Variants in FAXC observed in about 807,000 individuals in gnomAD.
FAXC encodes the protein failed axon connections homolog, metaxin like GST domain containing, also known as failed axon connections homolog.
FAXC carries 10 observed loss-of-function variants against 41.9 expected under a neutral mutation model. The ratio of observed to expected loss-of-function variants is 0.24; its 90% CI spans 0.15 to 0.41. FAXC has a LOEUF of 0.41. Ranked by LOEUF, FAXC falls within the 10% of genes least tolerant of loss-of-function variation. FAXC has a pLI of 1.00. For synonymous variants in FAXC, 183 were observed against 183.8 expected (o/e 1.00, Z 0.03); for missense variants, 399 against 510.9 (o/e 0.78, Z 2.11).
At chr6:99,281,539 T>C in intron 5 of FAXC, 86 bp from the exon 6 acceptor site, 4 of 1,089,384 alleles carry the variant, frequency 3.7e-6, no homozygotes, top group East Asian at 2.4e-5. Context: ...AAAACTCCAA[T>C]GTTGAAATCC....
chr6:99,280,092 G>A lies in FAXC; in HGVS notation c.*1072C>T, dbSNP rs760896146. ...CTCAAATAAATCAAACATAGGCAAC[G>A]TAACACTCTGGAGTCAACACAGAAC... On this transcript the variant is annotated 3_prime_UTR_variant, in exon 6 of 6. Transcript: ENST00000389677. The A allele has an allele frequency of 2.0e-5, 3 of 152,176 alleles. No individual in the cohort carries two copies. Among genetic ancestry groups the A allele is most frequent in the Non-Finnish European group, 2.9e-5 (2 of 68,036 alleles). 9.4% of individuals were successfully genotyped at this position (152,176 alleles called of 1,614,324 possible).
At chr6:99,290,728 A>C (rs1393655393) in intron 5 of FAXC, among the ~76,000 whole-genome samples, 1 of 151,754 alleles carries the variant, frequency 6.6e-6, no homozygotes, top group African/African-American at 2.4e-5. Flanking sequence ...AATAATAATA[A>C]TACTTCGGAA....
rs369719974 is a variant in FAXC at position 99,281,210 on chromosome 6, G to A, written c.1184C>T (p.Ser395Leu). ...TGTATAGTCATCCATGTCCACATCC[G>A]AATCAAAGAGTGAGTGTCCAGTAAA... ...TDFTGHSLFD[S>L]DVDMDDYTDH... is the part of the protein sequence containing the mutation. The change falls in exon 6 of 6, where the codon TCG becomes TTG. Residue 395 changes from serine (S) to leucine (L), a missense_variant. Ser to Leu is a moderately radical substitution (Grantham distance 145). Coordinates refer to ENST00000389677, the MANE Select transcript of FAXC (RefSeq NM_032511.4). 6.3e-6 allele frequency: 10 copies of A among 1,587,700 alleles called. No individual in the cohort carries two copies. In the Admixed American group the frequency reaches 1.0e-4, roughly 16 times the overall value.
At position 99,349,550 on chromosome 6, in the gene FAXC, G is replaced by C. The variant is rs894846479; in HGVS notation, c.-178C>G. Reference sequence around the variant, plus strand: ...CGGCAGAGGAGGAGGAGGAGGAAGGGCACTGGCCGCGGACGGCGGGCCTGG... The same window carrying C: ...CGGCAGAGGAGGAGGAGGAGGAAGGCCACTGGCCGCGGACGGCGGGCCTGG... On this transcript the variant is annotated 5_prime_UTR_variant, in exon 1 of 6. Transcript: ENST00000389677. 2 of 249,006 alleles carry C rather than the reference G, an allele frequency of 8.0e-6. No individual in the cohort carries two copies. The highest frequency in any genetic ancestry group is 4.7e-5 in the African/African-American group (2 of 42,368). The allele number at this position is 249,006 out of a possible 1,614,324, so 15.4% of individuals were successfully genotyped here. A position where few individuals can be genotyped will look rare whatever the true frequency, so the allele number is the denominator to read the frequency against.
intron 5 of FAXC, among the ~76,000 whole-genome samples, chr6:99,291,285 C>T (rs1333123891): frequency 6.6e-6 from 1 of 152,162 alleles, no homozygotes; most frequent in Non-Finnish European, 1.5e-5. Flanking sequence ...GTCAGCCCAC[C>T]GTAGTTGATG....
intron 4 of FAXC, 21 bp from the exon 5 acceptor site, chr6:99,291,841 A>C: frequency 6.3e-7 from 1 of 1,575,048 alleles, no homozygotes; most frequent in Non-Finnish European, 8.7e-7. Context: ...TAAAGCAGAG[A>C]AGTCAATGGG....
chr6:99,274,413 G>C lies in FAXC; in HGVS notation c.*6751C>G, dbSNP rs551563719. 1.3e-5 allele frequency: 2 copies of C among 151,890 alleles called. No individual in the cohort carries two copies. The highest frequency in any genetic ancestry group is 4.8e-5 in the African/African-American group (2 of 41,412). 9.4% of individuals were successfully genotyped at this position (151,890 alleles called of 1,614,324 possible). ...ATCTCTACCACAGCCATACCACATGGTTGCTTGAAATTTTGACATTTGTTA... is the reference window on the plus strand; with the variant it reads ...ATCTCTACCACAGCCATACCACATGCTTGCTTGAAATTTTGACATTTGTTA... On this transcript the variant is annotated 3_prime_UTR_variant, in exon 6 of 6. Coordinates refer to ENST00000389677, the MANE Select transcript of FAXC (RefSeq NM_032511.4).
chr6:99,286,895 C>T (rs1771048182), intron 5 of FAXC, among the ~76,000 whole-genome samples: 1 of 152,124 alleles, frequency 6.6e-6, no homozygotes, highest in South Asian at 2.1e-4. Context: ...ATTGGAAGTA[C>T]TTTCAGACTT....
In FAXC at chr6:99,309,342, G is replaced by A. The variant is rs112590741; in HGVS notation, c.823+14102C>T. 1.4e-4 allele frequency among the ~76,000 whole-genome samples: 22 copies of A among 152,222 alleles called. 1 individual carries two copies. Among genetic ancestry groups the A allele is most frequent in the African/African-American group, 5.1e-4 (21 of 41,524 alleles). On this transcript the variant is annotated intron_variant, in intron 4 of 5. Coordinates refer to ENST00000389677, the MANE Select transcript of FAXC (RefSeq NM_032511.4). ...GATAAAGACCCAGAAATAGAGACCA[G>A]ATAGAGCCTGTCAGAATTGTAGCAA...
intron 3 of FAXC, among the ~76,000 whole-genome samples, chr6:99,331,080 T>C (rs1773010171): frequency 6.6e-6 from 1 of 152,204 alleles, no homozygotes; most frequent in Non-Finnish European, 1.5e-5. Flanking sequence ...AGGGACTAAA[T>C]AGAACTGTGG....
At chr6:99,343,110 C>A in intron 1 of FAXC, 77 bp from the exon 2 acceptor site, 2 of 1,358,788 alleles carry the variant, frequency 1.5e-6, no homozygotes, top group South Asian at 2.9e-5. Flanking sequence ...TGAGAGGACC[C>A]TGCAGGGTTG....
At chr6:99,344,520 GAA>G (rs1280068903) in intron 1 of FAXC, among the ~76,000 whole-genome samples, 1 of 151,510 alleles carries the variant, frequency 6.6e-6, no homozygotes, top group Non-Finnish European at 1.5e-5. Flanking sequence ...AAACTCTCTT[GAA>G]AAGTTTACCA....
chr6:99,318,306 C>CACACACACACACACAA (rs147852055), intron 4 of FAXC, among the ~76,000 whole-genome samples: 2 of 135,230 alleles, frequency 1.5e-5, no homozygotes, highest in Non-Finnish European at 3.2e-5. Flanking sequence ...CACACACACA[C>CACACACACACACACAA]AAAATAGAAG....
rs1770482035 is a variant in FAXC, at chr6:99,273,349, CAT to C, written c.*7813_*7814del. The C allele has an allele frequency of 1.3e-5, 2 of 151,928 alleles. No homozygotes were observed. The highest frequency in any genetic ancestry group is 4.8e-5 in the African/African-American group (2 of 41,402). 9.4% of individuals were successfully genotyped at this position (151,928 alleles called of 1,614,324 possible). On this transcript the variant is annotated 3_prime_UTR_variant, in exon 6 of 6. Coordinates refer to ENST00000389677, the MANE Select transcript of FAXC (RefSeq NM_032511.4). ...GATTATAAACAAATAGAAAAAAAGA[CAT>C]GTAATCAGTGAGATGATGAATTATC...
intron 4 of FAXC, among the ~76,000 whole-genome samples, chr6:99,297,532 C>T (rs773031967): frequency 3.7e-4 from 57 of 152,132 alleles, no homozygotes; most frequent in South Asian, 2.5e-3. Flanking sequence ...GCCACATGCC[C>T]CTGAAAGTTC....
rs1773693147 is a variant in FAXC, at chr6:99,348,987, G to A, written c.266+120C>T. On this transcript the variant is annotated intron_variant, in intron 1 of 5. Coordinates refer to ENST00000389677, the MANE Select transcript of FAXC (RefSeq NM_032511.4). ...ATGCCTTTAGGGAAAGGTAATTGCA[G>A]GGCGCTTGGGCATCTGGGCAGCTTG... 3 of 935,814 alleles carry A rather than the reference G, an allele frequency of 3.2e-6. No individual in the cohort carries two copies. The East Asian group carries it at 7.2e-5, about 23-fold the overall frequency. The allele number at this position is 935,814 out of a possible 1,614,324, so 58.0% of individuals were successfully genotyped here. A position where few individuals can be genotyped will look rare whatever the true frequency, so the allele number is the denominator to read the frequency against.
In FAXC at chr6:99,278,233, A is replaced by G. The variant is rs1770699692; in HGVS notation, c.*2931T>C. The G allele has an allele frequency of 6.6e-6, 1 of 152,226 alleles. No individual in the cohort carries two copies. Among genetic ancestry groups the G allele is most frequent in the Non-Finnish European group, 1.5e-5 (1 of 68,046 alleles). The allele number at this position is 152,226 out of a possible 1,614,324, so 9.4% of individuals were successfully genotyped here. A position where few individuals can be genotyped will look rare whatever the true frequency, so the allele number is the denominator to read the frequency against. On this transcript the variant is annotated 3_prime_UTR_variant, in exon 6 of 6. Coordinates refer to ENST00000389677, the MANE Select transcript of FAXC (RefSeq NM_032511.4). ...CATTGCATAAATATAGATTGTCCTT[A>G]TATCTGTTCTGATGGAGAGTAAAGC...
chr6:99,281,890 A>T (rs1448595454), intron 5 of FAXC, among the ~76,000 whole-genome samples: 1 of 152,250 alleles, frequency 6.6e-6, no homozygotes. Flanking sequence ...ATTTTGCAAC[A>T]GCGGCCCAAA....
chr6:99,347,412 A>G (rs1773642074), intron 1 of FAXC, among the ~76,000 whole-genome samples: 1 of 151,982 alleles, frequency 6.6e-6, no homozygotes, highest in African/African-American at 2.4e-5. Flanking sequence ...AAAAGAAAAA[A>G]AAAAAAAAAG....
Sources: gnomAD v4.1 joint callset for allele counts (sites outside exome capture counted in the v4.1 genomes callset) on GRCh38, gnomAD v4.1.1 for gene constraint, MANE v1.5 for transcripts, NCBI Gene and HGNC (gene_info 2026-07-23, HGNC 2026-07-21) for gene names.